WASHC2C: variants seen among roughly 807,000 people sequenced by gnomAD.
The protein encoded by WASHC2C is WASH complex subunit 2C, also known as Vaccinia Penetration Factor.
A neutral mutation model predicts 142.2 loss-of-function variants in WASHC2C; 73 were observed. That is an observed-to-expected ratio of 0.51 (90% CI 0.43 to 0.62). The LOEUF (loss-of-function observed/expected upper bound fraction) is 0.62. Among genes scored for constraint, WASHC2C ranks in the 20% least tolerant of loss-of-function variants. The pLI is 0.00. For missense variants in WASHC2C, 969 were observed against 1,531.7 expected (o/e 0.63, Z 6.13); for synonymous variants, 337 against 565.5 (o/e 0.60, Z 5.73).
chr10:45,784,293 CATATATAT>C (rs1286811903), intron 23 of WASHC2C, among the ~76,000 whole-genome samples: 1 of 63,660 alleles, frequency 1.6e-5, no homozygotes, highest in African/African-American at 5.1e-5. Flanking sequence ...TATATATACA[CATATATAT>C]ATATATATAT....
chr10:45,772,885 A>G (rs1169388935), intron 20 of WASHC2C, among the ~76,000 whole-genome samples: 2 of 152,192 alleles, frequency 1.3e-5, no homozygotes, highest in African/African-American at 2.4e-5. Context: ...CTTCATGACA[A>G]TTCTGGAAAT....
At chr10:45,784,542 A>G (rs1554889186) in intron 23 of WASHC2C, 23 bp from the exon 24 acceptor site, 4 of 1,610,878 alleles carry the variant, frequency 2.5e-6, no homozygotes, top group East Asian at 2.2e-5. Flanking sequence ...CTAATCACAC[A>G]TGACCTTCCC....
Position 45,737,971 on chromosome 10 carries a change from T to G in WASHC2C, c.292-12T>G, listed in dbSNP as rs1180126918. 1 of 1,611,768 alleles carries G rather than the reference T, an allele frequency of 6.2e-7. No homozygotes were observed. Among genetic ancestry groups the G allele is most frequent in the Non-Finnish European group, 8.5e-7 (1 of 1,179,844 alleles). On this transcript the variant is annotated splice_polypyrimidine_tract_variant and intron_variant, in intron 3 of 30. Transcript: ENST00000623400. Reference sequence around the variant, plus strand: ...GTTGACCTTTTAACATTGAGTTTGCTTCCATATTTAGCGTGTATATGATGA... The same window carrying G: ...GTTGACCTTTTAACATTGAGTTTGCGTCCATATTTAGCGTGTATATGATGA...
intron 2 of WASHC2C, among the ~76,000 whole-genome samples, chr10:45,727,929 A>G (rs1168125426): frequency 6.6e-6 from 1 of 152,226 alleles, no homozygotes; most frequent in Non-Finnish European, 1.5e-5. Flanking sequence ...GGGGCCCAAA[A>G]AGCTCAGAAC....
intron 17 of WASHC2C, among the ~76,000 whole-genome samples, chr10:45,762,019 A>C (rs1287292851): frequency 2.0e-5 from 3 of 151,624 alleles, no homozygotes; most frequent in African/African-American, 7.3e-5. Context: ...AAAAAAAAAA[A>C]AAAACTGTCC....
chr10:45,750,195 A>G lies in WASHC2C; in HGVS notation c.832A>G (p.Asn278Asp), dbSNP rs528415694. ...GGAAGATATTGAGGACATTGAAGAA[A>G]ATACTAGACCTGTAAGGAAGGCTGT... is the stretch of plus-strand genomic sequence containing the variant. The part of the protein sequence containing the change: ...EEEDIEDIEE[N>D]TRPKRSRPTS... The change falls in exon 9 of 31, where the codon AAT (asparagine) becomes GAT (aspartate). Residue 278 changes from asparagine to aspartate, a missense_variant. Coordinates refer to ENST00000623400, the MANE Select transcript of WASHC2C (RefSeq NM_001330074.2). 33 of 1,611,188 alleles carry G rather than the reference A, an allele frequency of 2.0e-5. No individual in the cohort carries two copies. The South Asian group carries it at 3.6e-4, about 18-fold the overall frequency.
At chr10:45,780,081 C>A (rs1190082444) in intron 23 of WASHC2C, among the ~76,000 whole-genome samples, 2 of 151,752 alleles carry the variant, frequency 1.3e-5, no homozygotes, top group Non-Finnish European at 2.9e-5. Context: ...AGCTAGATAT[C>A]CTTTATGAAT....
intron 23 of WASHC2C, among the ~76,000 whole-genome samples, chr10:45,780,193 AG>A (rs2057388480): frequency 6.7e-6 from 1 of 150,334 alleles, no homozygotes; most frequent in South Asian, 2.1e-4. Context: ...CTGGAATGCA[AG>A]GTTGGTTCAA....
rs561299184 is a variant in WASHC2C, at chr10:45,749,290, C to T, written c.733-806C>T. On this transcript the variant is annotated intron_variant, in intron 8 of 30. Coordinates refer to ENST00000623400, the MANE Select transcript of WASHC2C (RefSeq NM_001330074.2). ...TCTCTACCAAAAATATAAAAATTAG[C>T]CGGGCGTGGTGGCGGGTGCCTGTAA... Among the ~76,000 whole-genome samples, 59 of 150,704 alleles carry T rather than the reference C, an allele frequency of 3.9e-4. 1 individual carries two copies. In the East Asian group the frequency reaches 0.011, roughly 27 times the overall value.
chr10:45,750,983 C>T, intron 10 of WASHC2C, 145 bp downstream of exon 10: 1 of 949,344 alleles, frequency 1.1e-6, no homozygotes, highest in Non-Finnish European at 1.5e-6. Context: ...AATTGTAGCG[C>T]TTATTCCTTT....
At chr10:45,762,150 G>C (rs1206265116) in intron 17 of WASHC2C, among the ~76,000 whole-genome samples, 82 of 151,742 alleles carry the variant, frequency 5.4e-4, no homozygotes, top group African/African-American at 1.7e-3. Flanking sequence ...AGGTCAACTT[G>C]CAGGTCTTTC....
At position 45,787,239 on chromosome 10, in the gene WASHC2C, G is replaced by A; in HGVS notation, c.3079G>A (p.Ala1027Thr). Reference sequence around the variant, plus strand: ...AGCTCAGGCAGACACCTTACACAGTGCAAACAAGGTGATGAAACCATCTTT... The same window carrying A: ...AGCTCAGGCAGACACCTTACACAGTACAAACAAGGTGATGAAACCATCTTT... ...LPAQADTLHS[A>T]NKSRVKMRGK... Residue 1027 changes from alanine to threonine, a missense_variant, in exon 28 of 31, where the codon GCA (alanine) becomes ACA (threonine). Transcript: ENST00000623400. 4 of 1,445,910 alleles carry A rather than the reference G, an allele frequency of 2.8e-6. No individual in the cohort carries two copies. Among genetic ancestry groups the A allele is most frequent in the Non-Finnish European group, 3.8e-6 (4 of 1,055,282 alleles). The allele number at this position is 1,445,910 out of a possible 1,614,324, so 89.6% of individuals were successfully genotyped here.
At chr10:45,756,869 C>T (rs1589744258) in intron 15 of WASHC2C, 143 bp from the exon 16 acceptor site, 1 of 760,580 alleles carries the variant, frequency 1.3e-6, no homozygotes, top group East Asian at 2.8e-5. Flanking sequence ...AGTATAGTTC[C>T]ACTTACTATT....
Position 45,727,414 on chromosome 10 carries a change from C to G in WASHC2C, c.4-3C>G. The G allele has an allele frequency of 5.0e-6, 8 of 1,611,300 alleles. No homozygotes were observed. Among genetic ancestry groups the G allele is most frequent in the Non-Finnish European group, 6.8e-6 (8 of 1,179,456 alleles). On this transcript the variant is annotated splice_polypyrimidine_tract_variant and splice_region_variant and intron_variant, in intron 1 of 30. Transcript: ENST00000623400. ...GCCTCTCTTCTCGTTTTTTTCGCTG[C>G]AGATGAACCGGACGACCCCCGACCA...
chr10:45,732,543 A>AT (rs1252919379), intron 3 of WASHC2C, among the ~76,000 whole-genome samples: 3 of 151,992 alleles, frequency 2.0e-5, no homozygotes, highest in African/African-American at 7.3e-5. Context: ...GTGAGGGAGG[A>AT]TTTTTTCTTT....
Position 45,788,847 on chromosome 10 carries a change from A to G in WASHC2C, c.3088-24A>G, listed in dbSNP as rs541555786. ...AACACTTTATTTTATCGTCAGATCA[A>G]TGTATGTTTTTTTGCCGTTGCAGAG... On this transcript the variant is annotated intron_variant, in intron 28 of 30. Transcript: ENST00000623400. The G allele has an allele frequency of 1.9e-3, 3,048 of 1,612,044 alleles. 5 individuals carry two copies. The highest frequency in any genetic ancestry group is 2.4e-3 in the Non-Finnish European group (2,821 of 1,179,866).
At chr10:45,788,732 C>G in intron 28 of WASHC2C, 139 bp from the exon 29 acceptor site, 1 of 1,371,456 alleles carries the variant, frequency 7.3e-7, no homozygotes. Context: ...GAAATAACCT[C>G]TTCTATGTTC....
chr10:45,765,996 T>C (rs1339963671), intron 19 of WASHC2C, among the ~76,000 whole-genome samples, 186 bp downstream of exon 19: 2 of 152,238 alleles, frequency 1.3e-5, no homozygotes, highest in Non-Finnish European at 2.9e-5. Context: ...GATGAATCTC[T>C]TCAAAATGGT....
chr10:45,727,112 G>C (rs2049936424), upstream of WASHC2C: 3 of 1,404,380 alleles, frequency 2.1e-6, no homozygotes, highest in South Asian at 4.6e-5. Context: ...ACCTAGGGTA[G>C]AACCCCAAAC....
Sources: allele counts gnomAD v4.1 joint callset (sites outside exome capture counted in the v4.1 genomes callset), GRCh38; gene constraint gnomAD v4.1.1; transcripts MANE v1.5; gene names NCBI Gene and HGNC (gene_info 2026-07-23, HGNC 2026-07-21).